The following HORMAD2 variants were observed in gnomAD, a reference collection of about 807,000 sequenced individuals.
HORMAD2 encodes HORMA domain containing 2.
HORMAD2 carries 45 observed loss-of-function variants against 38.8 expected under a neutral mutation model. The observed-to-expected ratio is 1.16, with a 90% CI of 0.91 to 1.49. HORMAD2 has a LOEUF of 1.49. Among genes scored for constraint, HORMAD2 ranks in the 40% most tolerant of loss-of-function variants. The probability of loss-of-function intolerance (pLI) is 0.00; values close to 1 mark genes in which losing one functional copy is unlikely to be tolerated. For missense variants in HORMAD2, 338 were observed against 367.0 expected, an observed-to-expected ratio of 0.92 and a Z score of 0.65; for synonymous variants, 126 against 122.8, an observed-to-expected ratio of 1.03 and a Z score of -0.17.
chr22:30,195,514 C>A, the HORMAD2 span, among the ~76,000 whole-genome samples: 3 of 152,154 alleles, frequency 2.0e-5, no homozygotes, highest in Admixed American at 1.3e-4. Context: ...ACTGAGGTCT[C>A]CCAACCCTCA....
upstream of HORMAD2, among the ~76,000 whole-genome samples, chr22:30,079,020 G>A (rs2068424582): frequency 6.6e-6 from 1 of 151,936 alleles, no homozygotes; most frequent in Admixed American, 6.6e-5. Context: ...GTGGGGGTGG[G>A]GAGAAGGTTG....
intron 1 of HORMAD2, among the ~76,000 whole-genome samples, chr22:30,089,607 TC>T (rs1223897844): frequency 6.6e-6 from 1 of 152,174 alleles, no homozygotes; most frequent in Non-Finnish European, 1.5e-5. Context: ...CGCCTTGGCC[TC>T]CCAAAGTCCT....
chr22:30,130,819 G>C (rs935302683), intron 10 of HORMAD2, among the ~76,000 whole-genome samples: 3 of 151,712 alleles, frequency 2.0e-5, no homozygotes, highest in African/African-American at 4.8e-5. Context: ...TCCAACTCCT[G>C]AGCTCAAGCA....
chr22:30,197,176 G>A, the HORMAD2 span, among the ~76,000 whole-genome samples: 2 of 152,150 alleles, frequency 1.3e-5, no homozygotes, highest in East Asian at 3.9e-4. Flanking sequence ...GGGACAGGGT[G>A]GGGTTGGATG....
chr22:30,162,701 C>CTTTT (rs750684089), intron 10 of HORMAD2, among the ~76,000 whole-genome samples: 1 of 124,192 alleles, frequency 8.1e-6, no homozygotes, highest in South Asian at 2.5e-4. Context: ...TTGTGGACAT[C>CTTTT]TTTTTTTTTT....
At chr22:30,116,835 A>C (rs979639423) in intron 7 of HORMAD2, among the ~76,000 whole-genome samples, 14 of 152,254 alleles carry the variant, frequency 9.2e-5, no homozygotes, top group Non-Finnish European at 1.9e-4. Flanking sequence ...CACTCAGAGC[A>C]TTAAAAAGCT....
In HORMAD2 at chr22:30,098,066, A is replaced by T. The variant is rs1178337959; in HGVS notation, c.52-786A>T. Among the ~76,000 whole-genome samples, 5 of 152,324 alleles carry T rather than the reference A, an allele frequency of 3.3e-5. No individual in the cohort carries two copies. The East Asian group carries it at 5.8e-4, about 18-fold the overall frequency. On this transcript the variant is annotated intron_variant, in intron 2 of 10. Transcript: ENST00000336726. Reference sequence around the variant, plus strand: ...CACTAGTCTGAGAATGAGACTTGGGATCAGGTTTTAGCCAGGGGTGGCAGA... The same window carrying T: ...CACTAGTCTGAGAATGAGACTTGGGTTCAGGTTTTAGCCAGGGGTGGCAGA...
At chr22:30,130,939 G>A (rs1158915497) in intron 10 of HORMAD2, among the ~76,000 whole-genome samples, 1 of 151,838 alleles carries the variant, frequency 6.6e-6, no homozygotes, top group Non-Finnish European at 1.5e-5. Flanking sequence ...CTAAGCTATA[G>A]CTACTAAGTC....
chr22:30,148,965 C>T (rs534431141), intron 10 of HORMAD2, among the ~76,000 whole-genome samples: 9 of 151,794 alleles, frequency 5.9e-5, no homozygotes, highest in Non-Finnish European at 8.8e-5. Flanking sequence ...GGTGACAGAG[C>T]GAGACTCCGT....
rs867236678 is a variant in HORMAD2 at position 30,134,682 on chromosome 22, T to C, written c.819+12468T>C. Among the ~76,000 whole-genome samples the C allele has an allele frequency of 1.3e-4, 19 of 147,050 alleles. No individual in the cohort carries two copies. The South Asian group carries it at 3.0e-3, about 23-fold the overall frequency. On this transcript the variant is annotated intron_variant, in intron 10 of 10. Coordinates refer to ENST00000336726, the MANE Select transcript of HORMAD2 (RefSeq NM_152510.4). ...TCTCGTGTGTGTACCAACAGAGCCTTGCTCTGTCACCAAAAAAAGAAAAAA... is the reference window on the plus strand; with the variant it reads ...TCTCGTGTGTGTACCAACAGAGCCTCGCTCTGTCACCAAAAAAAGAAAAAA...
the HORMAD2 span, among the ~76,000 whole-genome samples, chr22:30,203,981 A>G: frequency 3.9e-5 from 6 of 152,182 alleles, no homozygotes; most frequent in South Asian, 4.1e-4. Context: ...CTTCACACAC[A>G]TGCACACACA....
At chr22:30,143,708 T>A (rs1239287579) in intron 10 of HORMAD2, among the ~76,000 whole-genome samples, 1 of 152,202 alleles carries the variant, frequency 6.6e-6, no homozygotes, top group Non-Finnish European at 1.5e-5. Context: ...CACCCTGGGA[T>A]AATGATGGTT....
At chr22:30,177,649 C>G (rs542766321), downstream of HORMAD2, among the ~76,000 whole-genome samples, 55 of 150,502 alleles carry the variant, frequency 3.7e-4, no homozygotes, top group African/African-American at 1.2e-3. Context: ...AGGTTTGTGT[C>G]TCTCCAGAGA....
At chr22:30,079,924 C>T (rs1264010183), upstream of HORMAD2, among the ~76,000 whole-genome samples, 1 of 152,222 alleles carries the variant, frequency 6.6e-6, no homozygotes, top group East Asian at 1.9e-4. Flanking sequence ...AAGTGACGCG[C>T]CCGCCTCAGC....
downstream of HORMAD2, among the ~76,000 whole-genome samples, chr22:30,177,647 G>A (rs904922206): frequency 6.7e-6 from 1 of 150,198 alleles, no homozygotes; most frequent in African/African-American, 2.4e-5. Context: ...TTAGGTTTGT[G>A]TCTCTCCAGA....
the HORMAD2 span, among the ~76,000 whole-genome samples, chr22:30,189,717 C>T: frequency 6.6e-6 from 1 of 152,134 alleles, no homozygotes; most frequent in Non-Finnish European, 1.5e-5. Context: ...CAGTCAAAAG[C>T]TGTCTTTCTC....
At chr22:30,126,668 A>G (rs1922890416) in intron 10 of HORMAD2, among the ~76,000 whole-genome samples, 1 of 152,206 alleles carries the variant, frequency 6.6e-6, no homozygotes, top group Non-Finnish European at 1.5e-5. Flanking sequence ...TTTTTAGGGA[A>G]ATAACTACAC....
chr22:30,172,746 G>A (rs1452417487), intron 10 of HORMAD2, among the ~76,000 whole-genome samples: 3 of 152,070 alleles, frequency 2.0e-5, no homozygotes, highest in African/African-American at 4.8e-5. Context: ...AAATTAGCTG[G>A]GCGTGGTGGC....
intron 2 of HORMAD2, among the ~76,000 whole-genome samples, chr22:30,098,141 A>G (rs538988211): frequency 9.8e-5 from 15 of 152,320 alleles, no homozygotes; most frequent in South Asian, 8.3e-4. Context: ...GCAGATGTTC[A>G]GGAAATAAAA....
Sources: gnomAD v4.1 joint callset for allele counts (sites outside exome capture counted in the v4.1 genomes callset) on GRCh38, gnomAD v4.1.1 for gene constraint, MANE v1.5 for transcripts, NCBI Gene and HGNC (gene_info 2026-07-23, HGNC 2026-07-21) for gene names.